Variants in R3HDM2 observed in about 807,000 individuals in gnomAD.
The protein encoded by R3HDM2 is R3H domain containing 2.
A neutral mutation model predicts 124.5 loss-of-function variants in R3HDM2; 38 were observed. The ratio of observed to expected loss-of-function variants is 0.31; its 90% confidence interval spans 0.24 to 0.40. The LOEUF is 0.40. R3HDM2 is among the 10% of genes least tolerant of loss of function. R3HDM2 has a pLI of 1.00. For missense variants in R3HDM2, 869 were observed against 1,236.9 expected, an observed-to-expected ratio of 0.70 and a Z score of 4.46; for synonymous variants, 391 against 448.0, an observed-to-expected ratio of 0.87 and a Z score of 1.61.
chr12:57,404,035 AAAAAT>A (rs2068286200), intron 1 of R3HDM2, among the ~76,000 whole-genome samples: 1 of 151,014 alleles, frequency 6.6e-6, no homozygotes, highest in South Asian at 2.1e-4. Flanking sequence ...AAAAAATAAT[AAAAAT>A]AAAATAAAAA....
At chr12:57,281,577 C>A (rs1316672297) in intron 13 of R3HDM2, among the ~76,000 whole-genome samples, 1 of 152,046 alleles carries the variant, frequency 6.6e-6, no homozygotes, top group South Asian at 2.1e-4. Context: ...CCTCCACCTC[C>A]CAGGTTCAAG....
chr12:57,261,769 A>AC (rs1436863813), intron 19 of R3HDM2, among the ~76,000 whole-genome samples: 2 of 151,486 alleles, frequency 1.3e-5, no homozygotes, highest in Non-Finnish European at 2.9e-5. Flanking sequence ...AAAAAAAAAA[A>AC]AAAAAAAAAC....
At chr12:57,332,324 A>T (rs539347727) in intron 2 of R3HDM2, among the ~76,000 whole-genome samples, 99 of 145,086 alleles carry the variant, frequency 6.8e-4, no homozygotes, top group African/African-American at 2.5e-3. Flanking sequence ...CTGAGGTAAG[A>T]GGATCGCTTG....
chr12:57,430,587 G>T, intron 1 of R3HDM2, 133 bp downstream of exon 1: 1 of 984,768 alleles, frequency 1.0e-6, no homozygotes, highest in Non-Finnish European at 1.2e-6. Flanking sequence ...CTGACCCATC[G>T]TCCCCGGGAC....
intron 1 of R3HDM2, chr12:57,418,486 CTAAT>C (rs1404198445): frequency 4.2e-6 from 1 of 240,662 alleles, no homozygotes; most frequent in African/African-American, 2.3e-5. Flanking sequence ...GGAAAGGAAA[CTAAT>C]TGTTTCAAGC....
Position 57,291,981 on chromosome 12 carries a change from T to C in R3HDM2, c.906+591A>G, listed in dbSNP as rs74794025. Among the ~76,000 whole-genome samples the C allele has an allele frequency of 9.3e-3, 1,413 of 152,314 alleles. 24 individuals carry two copies. The highest frequency in any genetic ancestry group is 0.033 in the African/African-American group (1,357 of 41,560). ...TTTTAGCCCTAGGAGCTAGTCCTGT[T>C]GTAGGAAGCAAGGTAAGAAATATAG... On this transcript the variant is annotated intron_variant, in intron 11 of 23. Coordinates refer to ENST00000402412, the MANE Select transcript of R3HDM2 (RefSeq NM_001394031.1).
Position 57,296,339 on chromosome 12 carries a change from C to A in R3HDM2, c.701+72G>T. 1.3e-6 allele frequency: 2 copies of A among 1,507,808 alleles called. No individual in the cohort carries two copies. Among genetic ancestry groups the A allele is most frequent in the Non-Finnish European group, 1.8e-6 (2 of 1,110,146 alleles). 93.4% of individuals were successfully genotyped at this position (1,507,808 alleles called of 1,614,324 possible). On this transcript the variant is annotated intron_variant, in intron 9 of 23. Coordinates refer to ENST00000402412, the MANE Select transcript of R3HDM2 (RefSeq NM_001394031.1). The surrounding 1 kb of genome is among the most constrained non-coding windows in gnomAD (Gnocchi z 4.5). ...GGCCATCTGCAAGAGACATCCTGAT[C>A]CTACACCTTCCTCTTCCAACCCAGC... is the stretch of plus-strand genomic sequence containing the variant.
At position 57,255,763 on chromosome 12, in the gene R3HDM2, T is replaced by C. The variant is rs2038792636; in HGVS notation, c.2632+227A>G. 2.0e-5 allele frequency among the ~76,000 whole-genome samples: 3 copies of C among 152,342 alleles called. No homozygotes were observed. In the South Asian group the frequency reaches 6.2e-4, roughly 32 times the overall value. On this transcript the variant is annotated intron_variant, in intron 23 of 23. Coordinates refer to ENST00000402412, the MANE Select transcript of R3HDM2 (RefSeq NM_001394031.1). ...CTTTGTTAATAAGAGGCAACTCCCA[T>C]AATTGTGTTATTCCCACTTTTTACC...
At chr12:57,414,367 T>G (rs768732284) in intron 1 of R3HDM2, among the ~76,000 whole-genome samples, 1 of 146,062 alleles carries the variant, frequency 6.8e-6, no homozygotes, top group Non-Finnish European at 1.5e-5. Context: ...GATGCGCACC[T>G]GTCATCCTAG....
Position 57,296,607 on chromosome 12 carries a change from C to A in R3HDM2, c.561-56G>T. The A allele has an allele frequency of 6.6e-7, 1 of 1,512,252 alleles. No homozygotes were observed. Among genetic ancestry groups the A allele is most frequent in the Admixed American group, 2.1e-5 (1 of 47,918 alleles). 93.7% of individuals were successfully genotyped at this position (1,512,252 alleles called of 1,614,324 possible). On this transcript the variant is annotated intron_variant, in intron 8 of 23. Coordinates refer to ENST00000402412, the MANE Select transcript of R3HDM2 (RefSeq NM_001394031.1). This position sits in a 1 kb window ranked among gnomAD's most constrained non-coding sequence, Gnocchi z 4.5. The stretch of plus-strand genomic sequence containing the variant: ...ATAAGACAAACAACTGCAATAACAA[C>A]CAATTTTAATTTTTCTTACAAGTGT...
At chr12:57,406,531 A>C (rs115655561) in intron 1 of R3HDM2, among the ~76,000 whole-genome samples, 1,827 of 152,306 alleles carry the variant, frequency 0.012, 34 homozygotes, top group African/African-American at 0.041. Flanking sequence ...CCTCAGAGTA[A>C]CCAAATAAGC....
chr12:57,330,761 C>T (rs1395048503), intron 2 of R3HDM2, among the ~76,000 whole-genome samples: 1 of 130,946 alleles, frequency 7.6e-6, no homozygotes, highest in Non-Finnish European at 1.5e-5. Context: ...TGCAGTGGCG[C>T]AATCTCAGCT....
At chr12:57,340,083 A>G (rs2059374284) in intron 2 of R3HDM2, among the ~76,000 whole-genome samples, 1 of 152,246 alleles carries the variant, frequency 6.6e-6, no homozygotes, top group South Asian at 2.1e-4. Flanking sequence ...CTCCCAGTTG[A>G]AATAAAAAGA....
chr12:57,259,033 C>G lies in R3HDM2; in HGVS notation c.2158G>C (p.Val720Leu). 6.2e-7 allele frequency: 1 copy of G among 1,612,914 alleles called. No homozygotes were observed. The highest frequency in any genetic ancestry group is 8.5e-7 in the Non-Finnish European group (1 of 1,179,718). The change falls in exon 20 of 24, where the codon GTG (valine) becomes CTG (leucine). Residue 720 changes from valine to leucine, a missense_variant. Val to Leu is a conservative substitution (Grantham distance 32, BLOSUM62 1). Transcript: ENST00000402412. ...TTAGGGACATTCAGCTGCATGACCA[C>G]TACACCTGGTCCAGAAGGTGACACT... ...SGVSPSGPGV[V>L]VMQLNVPNGP...
chr12:57,300,408 G>A (rs1010023432), intron 4 of R3HDM2, among the ~76,000 whole-genome samples: 1 of 152,006 alleles, frequency 6.6e-6, no homozygotes, highest in Non-Finnish European at 1.5e-5. Flanking sequence ...GTACAAACTG[G>A]CTACATGGAC....
intron 4 of R3HDM2, 40 bp downstream of exon 4, chr12:57,303,136 C>G: frequency 1.4e-6 from 2 of 1,453,630 alleles, no homozygotes; most frequent in Non-Finnish European, 9.4e-7. Flanking sequence ...AAATGTATTA[C>G]TAATAACATT....
At chr12:57,407,184 A>C (rs1207369980) in intron 1 of R3HDM2, among the ~76,000 whole-genome samples, 1 of 150,844 alleles carries the variant, frequency 6.6e-6, no homozygotes, top group Non-Finnish European at 1.5e-5. Context: ...GGGGAGGTGG[A>C]GGTTGCAGTG....
At chr12:57,389,319 G>T (rs1240275329) in intron 2 of R3HDM2, among the ~76,000 whole-genome samples, 1 of 152,198 alleles carries the variant, frequency 6.6e-6, no homozygotes, top group Non-Finnish European at 1.5e-5. Flanking sequence ...AGAAGCAACA[G>T]GCTGGAAATA....
intron 2 of R3HDM2, among the ~76,000 whole-genome samples, chr12:57,368,846 G>C (rs530054306): frequency 5.9e-5 from 9 of 152,160 alleles, no homozygotes; most frequent in African/African-American, 2.2e-4. Context: ...TATTGAACCC[G>C]AGGGTGATCT....
Sources: allele counts gnomAD v4.1 joint callset (sites outside exome capture counted in the v4.1 genomes callset), GRCh38; gene constraint gnomAD v4.1.1; non-coding constraint Gnocchi (gnomAD v3.1); transcripts MANE v1.5; gene names NCBI Gene and HGNC (gene_info 2026-07-23, HGNC 2026-07-21).